Variants in FBXL20 observed in about 807,000 individuals in gnomAD.
FBXL20 encodes the protein F-box and leucine rich repeat protein 20, also known as F-box/LRR-repeat protein 20.
Under a neutral mutation model 64.0 loss-of-function variants are expected in FBXL20, and 11 were observed. The ratio of observed to expected loss-of-function variants is 0.17; its 90% CI spans 0.11 to 0.28. The LOEUF is 0.28. Among genes scored for constraint, FBXL20 ranks in the 10% least tolerant of loss-of-function variants. The pLI is 1.00. For synonymous variants in FBXL20, 184 were observed against 189.0 expected (o/e 0.97, Z 0.22); for missense variants, 303 against 526.2 (o/e 0.58, Z 4.15).
At chr17:39,366,880 TC>T (rs1308651810) in intron 1 of FBXL20, among the ~76,000 whole-genome samples, 1 of 134,902 alleles carries the variant, frequency 7.4e-6, no homozygotes, top group Non-Finnish European at 1.5e-5. Flanking sequence ...ATTCTATCAG[TC>T]CTTTTTTTTT....
At chr17:39,391,148 G>C (rs1418529341) in intron 1 of FBXL20, among the ~76,000 whole-genome samples, 1 of 151,884 alleles carries the variant, frequency 6.6e-6, no homozygotes, top group African/African-American at 2.4e-5. Flanking sequence ...TCGGTGCAGT[G>C]GCTCATTCCA....
chr17:39,314,121 T>C (rs1239066627), intron 2 of FBXL20, among the ~76,000 whole-genome samples: 1 of 152,192 alleles, frequency 6.6e-6, no homozygotes, highest in Non-Finnish European at 1.5e-5. Context: ...TGGCAACCAC[T>C]AATCAACATT....
At position 39,252,863 on chromosome 17, in the gene FBXL20, C is replaced by G. The variant is rs887748698; in HGVS notation, c.*8597G>C. 3.3e-5 allele frequency: 5 copies of G among 151,936 alleles called. No homozygotes were observed. The highest frequency in any genetic ancestry group is 9.7e-5 in the African/African-American group (4 of 41,374). 9.4% of individuals were successfully genotyped at this position (151,936 alleles called of 1,614,324 possible). A position where few individuals can be genotyped will look rare whatever the true frequency, so the allele number is the denominator to read the frequency against. Reference sequence around the variant, plus strand: ...TTTATTTTAAATAATCCCCCTCCCCCCATCCTCAAGCGCCAAAAGTACTGG... The same window carrying G: ...TTTATTTTAAATAATCCCCCTCCCCGCATCCTCAAGCGCCAAAAGTACTGG... On this transcript the variant is annotated 3_prime_UTR_variant, in exon 15 of 15. Coordinates refer to ENST00000264658, the MANE Select transcript of FBXL20 (RefSeq NM_032875.3).
At chr17:39,349,718 C>CAT (rs1567891532) in intron 1 of FBXL20, among the ~76,000 whole-genome samples, 2 of 152,048 alleles carry the variant, frequency 1.3e-5, no homozygotes, top group Non-Finnish European at 2.9e-5. Flanking sequence ...AGGCAGATCA[C>CAT]GAGGTCAGGA....
intron 1 of FBXL20, among the ~76,000 whole-genome samples, chr17:39,350,915 T>C (rs2047681727): frequency 6.6e-6 from 1 of 152,152 alleles, no homozygotes. Context: ...AAGACCTCTA[T>C]GTGATACTGA....
intron 1 of FBXL20, among the ~76,000 whole-genome samples, chr17:39,354,441 C>G (rs1356413079): frequency 1.3e-5 from 2 of 152,268 alleles, no homozygotes; most frequent in Admixed American, 1.3e-4. Flanking sequence ...GTTCCTTCTC[C>G]TATGAAACCT....
chr17:39,333,993 G>A (rs528442207), intron 2 of FBXL20, among the ~76,000 whole-genome samples: 11 of 152,284 alleles, frequency 7.2e-5, no homozygotes, highest in Non-Finnish European at 1.0e-4. Flanking sequence ...CATTGAGAAC[G>A]GGCCACGATG....
intron 1 of FBXL20, among the ~76,000 whole-genome samples, chr17:39,388,811 A>C (rs1024465727): frequency 5.3e-5 from 8 of 149,938 alleles, no homozygotes; most frequent in Admixed American, 1.3e-4. Context: ...TGCTTTAAAA[A>C]ATTAGATCTG....
At chr17:39,347,485 CTTCTT>C (rs2047645839) in intron 1 of FBXL20, among the ~76,000 whole-genome samples, 1 of 152,168 alleles carries the variant, frequency 6.6e-6, no homozygotes, top group Admixed American at 6.6e-5. Flanking sequence ...GCATAAATGT[CTTCTT>C]TTGAGAAGTG....
Position 39,297,120 on chromosome 17 carries a change from T to C in FBXL20, c.398+7A>G, listed in dbSNP as rs770319967. The C allele has an allele frequency of 6.3e-7, 1 of 1,598,832 alleles. No individual in the cohort carries two copies. Among genetic ancestry groups the C allele is most frequent in the Non-Finnish European group, 8.6e-7 (1 of 1,169,036 alleles). On this transcript the variant is annotated splice_region_variant and intron_variant, in intron 6 of 14. Transcript: ENST00000264658. Reference sequence around the variant, plus strand: ...TGACTTATCCTCCAAAAACATAAAATACTTACGCGTCTGTTGTCTTTGTAC... The same window carrying C: ...TGACTTATCCTCCAAAAACATAAAACACTTACGCGTCTGTTGTCTTTGTAC...
At chr17:39,345,179 C>T (rs2047620729) in intron 1 of FBXL20, among the ~76,000 whole-genome samples, 1 of 152,190 alleles carries the variant, frequency 6.6e-6, no homozygotes, top group South Asian at 2.1e-4. Flanking sequence ...CAATCAGGCA[C>T]TTTTCTAGAC....
intron 2 of FBXL20, among the ~76,000 whole-genome samples, chr17:39,336,974 CCCTCTCCCTCTCCCCACGGTCTT>C (rs920212759): frequency 6.6e-6 from 1 of 151,800 alleles, no homozygotes; most frequent in African/African-American, 2.4e-5. Context: ...TCCCTCCTCT[CCCTCTCCCTCTCCCCACGGTCTT>C]CCTCTCCCTC....
chr17:39,315,765 G>T (rs1179605512), intron 2 of FBXL20, among the ~76,000 whole-genome samples: 1 of 150,482 alleles, frequency 6.6e-6, no homozygotes, highest in Non-Finnish European at 1.5e-5. Flanking sequence ...AGGTGGCATG[G>T]CATGAAGTGC....
chr17:39,277,171 T>TAA (rs577617584), intron 9 of FBXL20, among the ~76,000 whole-genome samples: 1 of 152,072 alleles, frequency 6.6e-6, no homozygotes, highest in East Asian at 1.9e-4. Context: ...AAATATAGAT[T>TAA]AAAAAAATTG....
rs1446910506 is a variant in FBXL20, at chr17:39,261,659, G to A, written c.1204-92C>T. ...TAGAAAAACTACCGAGGGGCTCAATGAACATAAAAGCAGGGCAAAGGCTGA... is the reference window on the plus strand; with the variant it reads ...TAGAAAAACTACCGAGGGGCTCAATAAACATAAAAGCAGGGCAAAGGCTGA... On this transcript the variant is annotated intron_variant, in intron 14 of 14. Transcript: ENST00000264658. 4 of 915,814 alleles carry A rather than the reference G, an allele frequency of 4.4e-6. No individual in the cohort carries two copies. The East Asian group carries it at 1.0e-4, about 23-fold the overall frequency. 56.7% of individuals were successfully genotyped at this position (915,814 alleles called of 1,614,324 possible). A position where few individuals can be genotyped will look rare whatever the true frequency, so the allele number is the denominator to read the frequency against.
chr17:39,319,673 C>CAAAAAAAAAAA (rs71300077), intron 2 of FBXL20, among the ~76,000 whole-genome samples: 2 of 47,306 alleles, frequency 4.2e-5, no homozygotes, highest in African/African-American at 1.5e-4. Context: ...GACTCCATAT[C>CAAAAAAAAAAA]AAAAAAAAAA....
intron 1 of FBXL20, among the ~76,000 whole-genome samples, chr17:39,393,193 C>G (rs1350867494): frequency 1.3e-5 from 2 of 151,426 alleles, no homozygotes; most frequent in African/African-American, 2.4e-5. Context: ...GGAGGCTGAG[C>G]CAGGAGAATC....
intron 7 of FBXL20, among the ~76,000 whole-genome samples, chr17:39,284,382 A>G (rs1010862009): frequency 3.3e-5 from 5 of 152,064 alleles, no homozygotes; most frequent in African/African-American, 1.2e-4. Context: ...ACTTAACTAA[A>G]TTTGTATTTT....
chr17:39,354,433 T>C (rs140772126), intron 1 of FBXL20, among the ~76,000 whole-genome samples: 2 of 152,322 alleles, frequency 1.3e-5, no homozygotes, highest in African/African-American at 4.8e-5. Context: ...ATGTGACTGT[T>C]CCTTCTCCTA....
Sources: gnomAD v4.1 joint callset for allele counts (sites outside exome capture counted in the v4.1 genomes callset) on GRCh38, gnomAD v4.1.1 for gene constraint, MANE v1.5 for transcripts, NCBI Gene and HGNC (gene_info 2026-07-23, HGNC 2026-07-21) for gene names.